CCDC171: variants seen among roughly 807,000 people sequenced by gnomAD.
CCDC171 encodes the protein coiled-coil domain containing 171, also known as coiled-coil domain-containing protein 171.
CCDC171 carries 177 observed loss-of-function variants against 168.2 expected under a neutral mutation model. That is an observed-to-expected ratio of 1.05 (90% CI 0.93 to 1.19). CCDC171 has a LOEUF of 1.19. CCDC171 is among the 50% of genes most tolerant of loss of function. The pLI is 0.00. For missense variants in CCDC171, 1,991 were observed against 1,539.0 expected (o/e 1.29, Z -4.91); for synonymous variants, 687 against 540.8 (o/e 1.27, Z -3.75).
At chr9:15,786,047 T>A (rs931502852) in intron 21 of CCDC171, among the ~76,000 whole-genome samples, 7 of 152,246 alleles carry the variant, frequency 4.6e-5, no homozygotes, top group Non-Finnish European at 7.4e-5. Flanking sequence ...AGATGTCCTT[T>A]ACGAAGAGGA....
intron 3 of CCDC171, among the ~76,000 whole-genome samples, chr9:15,990,342 G>T (rs1463379294): frequency 6.6e-6 from 1 of 152,114 alleles, no homozygotes; most frequent in Non-Finnish European, 1.5e-5. Flanking sequence ...ATAAGCGAAG[G>T]AGAAATAAAA....
chr9:15,596,974 G>T (rs1350563264), intron 6 of CCDC171, among the ~76,000 whole-genome samples: 2 of 152,112 alleles, frequency 1.3e-5, no homozygotes, highest in African/African-American at 4.8e-5. Context: ...AAGAATGCTT[G>T]TGATTTTTGC....
At chr9:16,034,319 A>T (rs1833423940) in intron 6 of CCDC171, among the ~76,000 whole-genome samples, 1 of 152,156 alleles carries the variant, frequency 6.6e-6, no homozygotes, top group Non-Finnish European at 1.5e-5. Flanking sequence ...TTCAGGAGGG[A>T]GGCCACCTAA....
chr9:15,651,201 C>T (rs1461227431), intron 7 of CCDC171, among the ~76,000 whole-genome samples: 15 of 151,910 alleles, frequency 9.9e-5, no homozygotes, highest in Admixed American at 7.9e-4. Flanking sequence ...TTCCACCTCC[C>T]GGGTTCAAGT....
In CCDC171 at chr9:15,784,558, A is replaced by G. The variant is rs1294615330; in HGVS notation, c.3131A>G (p.Asn1044Ser). The G allele has an allele frequency of 2.5e-6, 4 of 1,613,340 alleles. No individual in the cohort carries two copies. The highest frequency in any genetic ancestry group is 2.7e-5 in the African/African-American group (2 of 74,914). The change falls in exon 21 of 26, where the codon AAT becomes AGT. Residue 1044 changes from asparagine to serine, a missense_variant. Asn to Ser is a conservative substitution (Grantham distance 46, BLOSUM62 1). Transcript: ENST00000380701. ...GAAAGTGCATGTGAAGAACTAAATA[A>G]TGCATTACTTCGGGAAGAGCAGGCA... The part of the protein sequence containing the change: ...KFESACEELN[N>S]ALLREEQAQM...
intron 6 of CCDC171, among the ~76,000 whole-genome samples, chr9:15,621,399 A>C (rs1043793668): frequency 3.9e-5 from 6 of 152,144 alleles, no homozygotes; most frequent in African/African-American, 1.4e-4. Flanking sequence ...GATGTGACTC[A>C]CTTTATTGCA....
rs1333914289 is a variant in CCDC171 at position 15,901,066 on chromosome 9, G to C, written c.3601-19204G>C. 5.3e-5 allele frequency among the ~76,000 whole-genome samples: 8 copies of C among 152,000 alleles called. 1 individual carries two copies. Among genetic ancestry groups the C allele is most frequent in the Non-Finnish European group, 1.2e-4 (8 of 67,994 alleles). On this transcript the variant is annotated intron_variant, in intron 24 of 25. Transcript: ENST00000380701. ...TTATATATGTGTTGTTATTAAATAT[G>C]CTCCATAACATAGAAAAAGAAAATT...
chr9:15,936,024 C>T (rs1471765013), intron 25 of CCDC171, among the ~76,000 whole-genome samples: 1 of 152,012 alleles, frequency 6.6e-6, no homozygotes, highest in East Asian at 1.9e-4. Flanking sequence ...TGAAAGTCAT[C>T]AACATAGTTA....
intron 1 of CCDC171, among the ~76,000 whole-genome samples, chr9:16,058,183 C>G (rs945369635): frequency 6.6e-6 from 1 of 152,138 alleles, no homozygotes; most frequent in African/African-American, 2.4e-5. Context: ...CTCTCTCCCT[C>G]CCCTTGCTCA....
intron 25 of CCDC171, among the ~76,000 whole-genome samples, chr9:15,968,913 G>A (rs1197981515): frequency 6.6e-6 from 1 of 152,058 alleles, no homozygotes; most frequent in Non-Finnish European, 1.5e-5. Context: ...TTTTTTTCTA[G>A]CAGTACAGCA....
intron 10 of CCDC171, 79 bp downstream of exon 10, chr9:15,678,975 C>T (rs2049843568): frequency 9.3e-7 from 1 of 1,072,968 alleles, no homozygotes. Flanking sequence ...TTCCTCACCA[C>T]ATTCCATGAG....
At chr9:15,883,793 T>C (rs534904595) in intron 24 of CCDC171, among the ~76,000 whole-genome samples, 91 of 152,358 alleles carry the variant, frequency 6.0e-4, no homozygotes, top group African/African-American at 1.8e-3. Flanking sequence ...CTGGTAGGAC[T>C]TCTTTAAAAA....
chr9:15,643,747 C>G lies in CCDC171; in HGVS notation c.823-13380C>G, dbSNP rs544459364. On this transcript the variant is annotated intron_variant, in intron 7 of 25. Coordinates refer to ENST00000380701, the MANE Select transcript of CCDC171 (RefSeq NM_173550.4). Reference sequence around the variant, plus strand: ...TTTCGTTCTCTCCTTCTTCCCTATCCTCCTGCAACCACTTAATATACTTTT... The same window carrying G: ...TTTCGTTCTCTCCTTCTTCCCTATCGTCCTGCAACCACTTAATATACTTTT... Among the ~76,000 whole-genome samples the G allele has an allele frequency of 1.3e-4, 20 of 152,306 alleles. 1 individual carries two copies. The highest frequency in any genetic ancestry group is 3.8e-4 in the African/African-American group (16 of 41,560).
At chr9:16,008,968 C>T (rs1832783757) in intron 3 of CCDC171, among the ~76,000 whole-genome samples, 2 of 152,096 alleles carry the variant, frequency 1.3e-5, no homozygotes, top group Admixed American at 1.3e-4. Flanking sequence ...TCCAGGCCCC[C>T]AACACTTCTT....
At chr9:15,793,597 CTCT>C (rs2058395368) in intron 21 of CCDC171, among the ~76,000 whole-genome samples, 2 of 118,486 alleles carry the variant, frequency 1.7e-5, no homozygotes, top group Non-Finnish European at 3.2e-5. Flanking sequence ...GAGTCTCACT[CTCT>C]TCCCAGTGGC....
At chr9:16,086,897 T>C in the CCDC171 span, among the ~76,000 whole-genome samples, 2 of 152,230 alleles carry the variant, frequency 1.3e-5, no homozygotes, top group Non-Finnish European at 2.9e-5. Context: ...TAAACACTGC[T>C]TTAGCTGTGT....
intron 25 of CCDC171, among the ~76,000 whole-genome samples, chr9:15,931,165 G>A (rs1249500872): frequency 1.3e-5 from 2 of 151,596 alleles, no homozygotes; most frequent in Admixed American, 6.6e-5. Context: ...ACTCCATACC[G>A]TTTTCCATTA....
At chr9:15,718,776 A>G (rs2053258163) in intron 11 of CCDC171, among the ~76,000 whole-genome samples, 1 of 152,212 alleles carries the variant, frequency 6.6e-6, no homozygotes, top group Admixed American at 6.5e-5. Flanking sequence ...GTGCCCCCTA[A>G]TGCAGATATA....
At chr9:15,555,119 T>C (rs942761497) in intron 1 of CCDC171, among the ~76,000 whole-genome samples, 2 of 152,160 alleles carry the variant, frequency 1.3e-5, no homozygotes, top group Admixed American at 6.5e-5. Context: ...CCTTTCTGGC[T>C]GGCACCTCCT....
Sources: gnomAD v4.1 joint callset for allele counts (sites outside exome capture counted in the v4.1 genomes callset) on GRCh38, gnomAD v4.1.1 for gene constraint, MANE v1.5 for transcripts, NCBI Gene and HGNC (gene_info 2026-07-23, HGNC 2026-07-21) for gene names.